TMC2: variants seen among roughly 807,000 people sequenced by gnomAD.
TMC2 encodes the protein transmembrane channel like 2.
Under a neutral mutation model 105.9 loss-of-function variants are expected in TMC2, and 102 were observed. The observed-to-expected ratio is 0.96, with a 90% CI of 0.82 to 1.14. The LOEUF is 1.14. TMC2 is among the 50% of genes most tolerant of loss of function. The pLI is 0.00. For missense variants in TMC2, 1,093 were observed against 1,134.3 expected (o/e 0.96, Z 0.52); for synonymous variants, 402 against 422.8 (o/e 0.95, Z 0.60).
At chr20:2,596,747 G>A (rs998250642) in intron 9 of TMC2, among the ~76,000 whole-genome samples, 2 of 133,300 alleles carry the variant, frequency 1.5e-5, no homozygotes, top group Non-Finnish European at 3.4e-5. Context: ...GTGTGTGTAT[G>A]TGTGTGTGTG....
chr20:2,583,677 G>T (rs944821733), intron 7 of TMC2, among the ~76,000 whole-genome samples: 1 of 152,074 alleles, frequency 6.6e-6, no homozygotes, highest in Non-Finnish European at 1.5e-5. Context: ...TGGCCTGGCT[G>T]GTCTTGAATC....
In TMC2 at chr20:2,601,245, C is replaced by T. The variant is rs538177311; in HGVS notation, c.1225-868C>T. On this transcript the variant is annotated intron_variant, in intron 10 of 19. Transcript: ENST00000358864. The stretch of plus-strand genomic sequence containing the variant: ...CCTACTTTTACAAATAATGTTTTAT[C>T]GAAACAAAGGCATTCCAATTTATTT... Among the ~76,000 whole-genome samples the T allele has an allele frequency of 6.6e-5, 10 of 152,312 alleles. 1 individual carries two copies. Among genetic ancestry groups the T allele is most frequent in the African/African-American group, 1.7e-4 (7 of 41,572 alleles).
At chr20:2,577,557 GGA>G (rs969338421) in intron 5 of TMC2, among the ~76,000 whole-genome samples, 1 of 152,088 alleles carries the variant, frequency 6.6e-6, no homozygotes, top group African/African-American at 2.4e-5. Context: ...CATTCAATCA[GGA>G]GATGGTCAAA....
intron 19 of TMC2, among the ~76,000 whole-genome samples, chr20:2,640,836 G>A (rs540367966): frequency 3.3e-5 from 5 of 152,130 alleles, no homozygotes; most frequent in African/African-American, 9.6e-5. Flanking sequence ...GTCACCCTGC[G>A]AGGCTGCCGT....
rs2086695302 is a variant in TMC2 at position 2,642,374 on chromosome 20, G to C, written c.*1023G>C. ...GCACAAAACAGGGAGTGAAAACAGTGAATCACAGGAGCGAGTGAGTTGCCC... is the reference window on the plus strand; with the variant it reads ...GCACAAAACAGGGAGTGAAAACAGTCAATCACAGGAGCGAGTGAGTTGCCC... On this transcript the variant is annotated 3_prime_UTR_variant, in exon 20 of 20. Coordinates refer to ENST00000358864, the MANE Select transcript of TMC2 (RefSeq NM_080751.3). Among the ~76,000 whole-genome samples the C allele has an allele frequency of 6.6e-6, 1 of 152,142 alleles. No individual in the cohort carries two copies.
chr20:2,642,495 T>C lies in TMC2; in HGVS notation c.*1144T>C, dbSNP rs1378546052. Among the ~76,000 whole-genome samples, 1 of 152,236 alleles carries C rather than the reference T, an allele frequency of 6.6e-6. No homozygotes were observed. The highest frequency in any genetic ancestry group is 1.5e-5 in the Non-Finnish European group (1 of 68,036). On this transcript the variant is annotated 3_prime_UTR_variant, in exon 20 of 20. Coordinates refer to ENST00000358864, the MANE Select transcript of TMC2 (RefSeq NM_080751.3). Reference sequence around the variant, plus strand: ...AAAAGGAATTTGATAACATGATTATTGTACAAAAGACCTTGAAGATGGTTT... The same window carrying C: ...AAAAGGAATTTGATAACATGATTATCGTACAAAAGACCTTGAAGATGGTTT...
chr20:2,623,003 G>T (rs768341415), intron 16 of TMC2, among the ~76,000 whole-genome samples: 1 of 151,916 alleles, frequency 6.6e-6, no homozygotes, highest in Non-Finnish European at 1.5e-5. Context: ...TTGCCCAAAG[G>T]TATTGAACTT....
intron 17 of TMC2, among the ~76,000 whole-genome samples, chr20:2,628,887 G>A (rs6037149): frequency 0.74 from 110,137 of 148,100 alleles, 40,828 homozygotes; most frequent in East Asian, 0.86. Context: ...CAGATCACGA[G>A]GTCAGGAGAT....
At position 2,635,972 on chromosome 20, in the gene TMC2, G is replaced by A. The variant is rs1317284275; in HGVS notation, c.2353G>A (p.Ala785Thr). The change falls in exon 18 of 20, where the codon GCT becomes ACT. Residue 785 changes from alanine (A) to threonine (T), a missense_variant. Coordinates refer to ENST00000358864, the MANE Select transcript of TMC2 (RefSeq NM_080751.3). ...LNSVSKSLSR[A>T]NAQLRKKIQV... The stretch of plus-strand genomic sequence containing the variant: ...CTCAGTTTCCAAAAGCCTTTCCCGA[G>A]CTAATGCCCAGCTGAGGAAGAAAAT... The A allele has an allele frequency of 6.2e-7, 1 of 1,614,136 alleles. No individual in the cohort carries two copies. The highest frequency in any genetic ancestry group is 8.5e-7 in the Non-Finnish European group (1 of 1,180,002).
chr20:2,560,740 G>T (rs188914867), intron 3 of TMC2, among the ~76,000 whole-genome samples: 1 of 151,948 alleles, frequency 6.6e-6, no homozygotes, highest in South Asian at 2.1e-4. Context: ...CGGAGGCTAA[G>T]GTGGGAGAAT....
chr20:2,560,634 G>A (rs1276257073), intron 3 of TMC2, among the ~76,000 whole-genome samples: 16 of 152,090 alleles, frequency 1.1e-4, no homozygotes, highest in African/African-American at 3.6e-4. Context: ...TCAGGAGATC[G>A]AGATCATCCT....
chr20:2,551,730 T>C (rs994833206), intron 2 of TMC2, among the ~76,000 whole-genome samples: 1 of 152,238 alleles, frequency 6.6e-6, no homozygotes, highest in African/African-American at 2.4e-5. Flanking sequence ...TGCCCAGTTG[T>C]TCCAGCACAA....
chr20:2,536,938 C>T (rs1320725109), intron 1 of TMC2, among the ~76,000 whole-genome samples: 1 of 152,122 alleles, frequency 6.6e-6, no homozygotes, highest in Admixed American at 6.5e-5. Context: ...CTGTCACGGC[C>T]GATGCATGCT....
At chr20:2,549,346 G>A (rs1450940517) in intron 2 of TMC2, among the ~76,000 whole-genome samples, 1 of 152,132 alleles carries the variant, frequency 6.6e-6, no homozygotes, top group African/African-American at 2.4e-5. Flanking sequence ...ACGAGCCACC[G>A]TGCCCAGCCT....
At chr20:2,582,168 C>T (rs1182562513) in intron 7 of TMC2, among the ~76,000 whole-genome samples, 1 of 152,146 alleles carries the variant, frequency 6.6e-6, no homozygotes, top group East Asian at 1.9e-4. Flanking sequence ...AGTGCACGGA[C>T]AAGTCTTGAT....
At chr20:2,564,348 C>T (rs2086049415) in intron 4 of TMC2, among the ~76,000 whole-genome samples, 1 of 151,996 alleles carries the variant, frequency 6.6e-6, no homozygotes, top group South Asian at 2.1e-4. Flanking sequence ...GACGGGGTTT[C>T]ACCGTGTTAG....
chr20:2,625,006 C>T (rs570863533), intron 17 of TMC2, among the ~76,000 whole-genome samples: 3 of 148,990 alleles, frequency 2.0e-5, no homozygotes, highest in Admixed American at 6.7e-5. Flanking sequence ...CCCTCAACAA[C>T]CATTAGAGAA....
intron 16 of TMC2, among the ~76,000 whole-genome samples, chr20:2,620,261 G>T (rs1485531044): frequency 2.0e-5 from 3 of 152,174 alleles, no homozygotes; most frequent in Admixed American, 2.0e-4. Context: ...AGGATTTGAT[G>T]ATTCTGGAAA....
intron 8 of TMC2, 90 bp from the exon 9 acceptor site, chr20:2,594,735 G>A: frequency 2.1e-6 from 3 of 1,407,270 alleles, no homozygotes; most frequent in South Asian, 1.3e-5. Flanking sequence ...TTAAGACTCT[G>A]AGAAAGAAAT....
Sources: gnomAD v4.1 joint callset for allele counts (sites outside exome capture counted in the v4.1 genomes callset) on GRCh38, gnomAD v4.1.1 for gene constraint, MANE v1.5 for transcripts, NCBI Gene and HGNC (gene_info 2026-07-23, HGNC 2026-07-21) for gene names.